ADGRF1: variants seen among roughly 807,000 people sequenced by gnomAD.
The protein encoded by ADGRF1 is adhesion G protein-coupled receptor F1.
ADGRF1 carries 85 observed loss-of-function variants against 87.2 expected under a neutral mutation model. The observed-to-expected ratio is 0.97, with a 90% CI of 0.82 to 1.17. The LOEUF (loss-of-function observed/expected upper bound fraction) is 1.17. ADGRF1 is among the 50% of genes most tolerant of loss of function. The pLI, the probability that ADGRF1 is intolerant of heterozygous loss-of-function variation, is 0.00. For missense variants in ADGRF1, 1,169 were observed against 1,077.2 expected, an observed-to-expected ratio of 1.09 and a Z score of -1.19; for synonymous variants, 430 against 408.8, an observed-to-expected ratio of 1.05 and a Z score of -0.63.
At chr6:47,005,678 A>G in intron 13 of ADGRF1, 139 bp downstream of exon 13, 1 of 584,060 alleles carries the variant, frequency 1.7e-6, no homozygotes, top group Non-Finnish European at 3.1e-6. Context: ...GCCAGGCTCC[A>G]TGTCAGATAC....
At position 47,005,834 on chromosome 6, in the gene ADGRF1, A is replaced by G. The variant is rs1779509862; in HGVS notation, c.2575T>C (p.Trp859Arg). Residue 859 changes from tryptophan to arginine, a missense_variant, in exon 13 of 15, where the codon TGG becomes CGG. Physicochemically the swap from Trp to Arg is moderately radical, Grantham distance 101. Coordinates refer to ENST00000371253, the MANE Select transcript of ADGRF1 (RefSeq NM_153840.4). ...ATAATTACCTTTTCTGTTTGCTTCCAAGAACTTAAGGCAGACAACTTGTTG... is the reference window on the plus strand; with the variant it reads ...ATAATTACCTTTTCTGTTTGCTTCCGAGAACTTAAGGCAGACAACTTGTTG... Reference protein sequence around the residue: ...LFNKLSALSSWKQTEKQNSSD... With the variant: ...LFNKLSALSSRKQTEKQNSSD... The G allele has an allele frequency of 6.2e-7, 1 of 1,611,386 alleles. No homozygotes were observed. The highest frequency in any genetic ancestry group is 8.5e-7 in the Non-Finnish European group (1 of 1,178,912).
intron 7 of ADGRF1, chr6:47,020,425 G>A (rs1780011174): frequency 9.9e-7 from 1 of 1,009,646 alleles, no homozygotes; most frequent in Non-Finnish European, 1.4e-6. Flanking sequence ...GAACCCGGTA[G>A]GCAGAGGTTG....
rs941498209 is a variant in ADGRF1, at chr6:47,024,324, C to T, written c.278-107G>A. ...GTTTATTTTTCAGATTAACTTCCTA[C>T]ATCTTCTATGAGTTTTGTTTTGTTT... On this transcript the variant is annotated intron_variant, in intron 4 of 14. Transcript: ENST00000371253. 9.8e-6 allele frequency: 8 copies of T among 813,404 alleles called. No homozygotes were observed. In the Admixed American group the frequency reaches 2.3e-4, roughly 23 times the overall value. 50.4% of individuals were successfully genotyped at this position (813,404 alleles called of 1,614,324 possible). A position where few individuals can be genotyped will look rare whatever the true frequency, so the allele number is the denominator to read the frequency against.
rs747878151 is a variant in ADGRF1, at chr6:47,009,608, C to T, written c.1827G>A (p.Leu609=). The T allele has an allele frequency of 2.5e-6, 4 of 1,614,130 alleles. No individual in the cohort carries two copies. The highest frequency in any genetic ancestry group is 2.5e-6 in the Non-Finnish European group (3 of 1,180,012). ...SLILCLIIEA[L]FWKQIKKSQT... ...GGCTTTTTTTAATCTGCTTCCAAAA[C>T]AAAGCCTCGATGATCAGGCATAAAA... The change falls in exon 11 of 15, where the codon TTG becomes TTA. Residue 609 remains leucine, a synonymous_variant. Coordinates refer to ENST00000371253, the MANE Select transcript of ADGRF1 (RefSeq NM_153840.4).
At chr6:47,007,404 C>G in intron 11 of ADGRF1, 110 bp from the exon 12 acceptor site, 1 of 650,736 alleles carries the variant, frequency 1.5e-6, no homozygotes, top group Non-Finnish European at 2.7e-6. Flanking sequence ...GTTTTCTTGT[C>G]TGTCTCCTTA....
rs763798898 is a variant in ADGRF1 at position 47,009,858 on chromosome 6, T to A, written c.1577A>T (p.Glu526Val). Residue 526 changes from glutamate (E) to valine (V), a missense_variant, in exon 11 of 15, where the codon GAG (glutamate) becomes GTG (valine). Glu to Val is a moderately radical substitution (Grantham distance 121, BLOSUM62 -2). Coordinates refer to ENST00000371253, the MANE Select transcript of ADGRF1 (RefSeq NM_153840.4). ...NEVFLFFSKI[E>V]SNLSQPHCVF... The stretch of plus-strand genomic sequence containing the variant: ...ACAATGAGGCTGGCTCAGGTTTGAC[T>A]CTATCTTGGAAAAAAATAGGAAAAC... 1.9e-6 allele frequency: 3 copies of A among 1,614,058 alleles called. No individual in the cohort carries two copies. The Admixed American group carries it at 5.0e-5, about 27-fold the overall frequency.
chr6:47,014,977 G>A (rs1779822442), intron 8 of ADGRF1, 133 bp from the exon 9 acceptor site: 3 of 1,277,030 alleles, frequency 2.3e-6, no homozygotes, highest in Non-Finnish European at 3.1e-6. Context: ...TCAGAAGTAA[G>A]AGAAGTTTGT....
chr6:47,011,520 C>G (rs1779706878), intron 10 of ADGRF1, among the ~76,000 whole-genome samples: 1 of 152,142 alleles, frequency 6.6e-6, no homozygotes, highest in South Asian at 2.1e-4. Flanking sequence ...AGTGACCAGG[C>G]TACAGATAAT....
chr6:47,004,319 T>C (rs1779453102), intron 13 of ADGRF1, among the ~76,000 whole-genome samples: 1 of 152,208 alleles, frequency 6.6e-6, no homozygotes, highest in African/African-American at 2.4e-5. Flanking sequence ...CATATTTTCT[T>C]CTTGAAAATA....
chr6:47,001,320 G>A (rs1246890023), intron 14 of ADGRF1, among the ~76,000 whole-genome samples, 181 bp downstream of exon 14: 1 of 152,218 alleles, frequency 6.6e-6, no homozygotes, highest in Non-Finnish European at 1.5e-5. Context: ...TGAGCATCAA[G>A]TCACCTACAT....
At chr6:47,007,659 C>T (rs9369649) in intron 11 of ADGRF1, among the ~76,000 whole-genome samples, 56,649 of 152,132 alleles carry the variant, frequency 0.37, 13,198 homozygotes, top group Non-Finnish European at 0.52. Context: ...GCATCTATGA[C>T]GGCAGCAGGC....
Position 47,009,573 on chromosome 6 carries a change from T to A in ADGRF1, c.1862A>T (p.His621Leu), listed in dbSNP as rs367711868. 1 of 1,614,060 alleles carries A rather than the reference T, an allele frequency of 6.2e-7. No individual in the cohort carries two copies. Among genetic ancestry groups the A allele is most frequent in the South Asian group, 1.1e-5 (1 of 91,072 alleles). Residue 621 changes from histidine (H) to leucine (L), a missense_variant, in exon 11 of 15, where the codon CAC (histidine) becomes CTC (leucine). Coordinates refer to ENST00000371253, the MANE Select transcript of ADGRF1 (RefSeq NM_153840.4). ...WKQIKKSQTS[H>L]TRRICMVNIA... ...GTTCACCATGCAAATACGACGTGTGTGAGAGGTTTGGCTTTTTTTAATCTG... is the reference window on the plus strand; with the variant it reads ...GTTCACCATGCAAATACGACGTGTGAGAGAGGTTTGGCTTTTTTTAATCTG...
At chr6:47,034,580 C>T (rs529644030) in intron 1 of ADGRF1, among the ~76,000 whole-genome samples, 1 of 152,346 alleles carries the variant, frequency 6.6e-6, no homozygotes, top group South Asian at 2.1e-4. Context: ...CTGACAGCCT[C>T]CAATTTCCCA....
chr6:47,016,002 T>C (rs1340376279), intron 8 of ADGRF1, among the ~76,000 whole-genome samples: 1 of 152,106 alleles, frequency 6.6e-6, no homozygotes, highest in Non-Finnish European at 1.5e-5. Context: ...CCTCCCAAAG[T>C]GCTAGGATTA....
rs1000302832 is a variant in ADGRF1 at position 47,009,744 on chromosome 6, G to C, written c.1691C>G (p.Thr564Ser). Residue 564 changes from threonine to serine, a missense_variant, in exon 11 of 15, where the codon ACT (threonine) becomes AGT (serine). Thr to Ser is a moderately conservative substitution (Grantham distance 58). Transcript: ENST00000371253. Reference sequence around the variant, plus strand: ...CAATATGGAGAAGGAGGTCAAGTGAGTACATTGGCACGTCACGATGTCTTG... The same window carrying C: ...CAATATGGAGAAGGAGGTCAAGTGACTACATTGGCACGTCACGATGTCTTG... ...ETQDIVTCQC[T>S]HLTSFSILMS... The C allele has an allele frequency of 1.9e-6, 3 of 1,614,198 alleles. No homozygotes were observed. The highest frequency in any genetic ancestry group is 2.5e-6 in the Non-Finnish European group (3 of 1,180,008).
intron 1 of ADGRF1, among the ~76,000 whole-genome samples, chr6:47,040,556 AG>A (rs1780710194): frequency 6.6e-6 from 1 of 150,876 alleles, no homozygotes; most frequent in African/African-American, 2.4e-5. Flanking sequence ...TAGGTTACAC[AG>A]CACAGTTTCC....
rs1779408283 is a variant in ADGRF1, at chr6:47,003,089, T to TC, written c.2593-1523dup. Among the ~76,000 whole-genome samples the TC allele has an allele frequency of 2.1e-5, 3 of 145,622 alleles. No homozygotes were observed. The Admixed American group carries it at 2.1e-4, about 10-fold the overall frequency. Reference sequence around the variant, plus strand: ...TAAGCCCCCCAACCAACTGAATGGATCCCCCCTCTCAGCCAAGGAGATTTC... The same window carrying TC: ...TAAGCCCCCCAACCAACTGAATGGATCCCCCCCTCTCAGCCAAGGAGATTTC... On this transcript the variant is annotated intron_variant, in intron 13 of 14. Coordinates refer to ENST00000371253, the MANE Select transcript of ADGRF1 (RefSeq NM_153840.4).
chr6:47,031,870 G>C (rs1389345512), intron 1 of ADGRF1, among the ~76,000 whole-genome samples: 1 of 152,166 alleles, frequency 6.6e-6, no homozygotes, highest in South Asian at 2.1e-4. Flanking sequence ...GAGACTACAG[G>C]CTAATTCTTT....
chr6:47,020,110 G>T (rs1780001162), intron 7 of ADGRF1: 2 of 1,030,950 alleles, frequency 1.9e-6, no homozygotes, highest in African/African-American at 3.4e-5. Context: ...CTGTCACCAT[G>T]ATCTCCTGCC....
Sources: gnomAD v4.1 joint callset for allele counts (sites outside exome capture counted in the v4.1 genomes callset) on GRCh38, gnomAD v4.1.1 for gene constraint, MANE v1.5 for transcripts, NCBI Gene and HGNC (gene_info 2026-07-23, HGNC 2026-07-21) for gene names.